ENTREP2: variants seen among roughly 807,000 people sequenced by gnomAD.
ENTREP2 encodes endosomal transmembrane epsin interactor 2, also known as protein ENTREP2.
the ENTREP2 span, among the ~76,000 whole-genome samples, chr15:29,409,714 C>T: frequency 2.6e-5 from 4 of 151,886 alleles, no homozygotes; most frequent in Non-Finnish European, 5.9e-5. Context: ...CCTCCTGCCA[C>T]AACCTCCGAG....
At chr15:29,612,595 C>T in the ENTREP2 span, 1 of 153,890 alleles carries the variant, frequency 6.5e-6, no homozygotes, top group African/African-American at 2.4e-5. Context: ...CACATCCAGA[C>T]AGGACACTGT....
the ENTREP2 span, among the ~76,000 whole-genome samples, chr15:29,573,559 C>T: frequency 6.6e-6 from 1 of 152,098 alleles, no homozygotes; most frequent in African/African-American, 2.4e-5. Flanking sequence ...AACGGAACTT[C>T]CTTATCATGT....
At chr15:29,123,770 G>A in the ENTREP2 span, 4 of 1,093,296 alleles carry the variant, frequency 3.7e-6, no homozygotes, top group South Asian at 5.0e-5. Flanking sequence ...GTGTTCCTGG[G>A]GCTGGCGCTC....
the ENTREP2 span, among the ~76,000 whole-genome samples, chr15:29,579,286 T>G: frequency 3.3e-5 from 5 of 152,306 alleles, no homozygotes; most frequent in East Asian, 9.6e-4. Context: ...TAGGATGCAC[T>G]CATTTTTGGT....
the ENTREP2 span, among the ~76,000 whole-genome samples, chr15:29,559,093 C>T: frequency 0.35 from 53,882 of 151,870 alleles, 9,652 homozygotes; most frequent in East Asian, 0.49. Flanking sequence ...GAGGACAAGA[C>T]GTAGTACCCA....
chr15:29,173,040 C>G, the ENTREP2 span, among the ~76,000 whole-genome samples: 8,877 of 152,270 alleles, frequency 0.058, 893 homozygotes, highest in African/African-American at 0.2. Flanking sequence ...GAGGCTGTCT[C>G]CCATTTTCTC....
the ENTREP2 span, among the ~76,000 whole-genome samples, chr15:29,669,379 C>T: frequency 6.6e-6 from 1 of 152,140 alleles, no homozygotes; most frequent in Non-Finnish European, 1.5e-5. Flanking sequence ...CATGGGCCAG[C>T]ATGTTCAGCC....
chr15:29,418,597 T>G, the ENTREP2 span, among the ~76,000 whole-genome samples: 1 of 152,184 alleles, frequency 6.6e-6, no homozygotes, highest in African/African-American at 2.4e-5. Context: ...GGTCTTTCGC[T>G]TCCAGGTCGG....
At chr15:29,137,025 G>C in the ENTREP2 span, 2 of 1,427,016 alleles carry the variant, frequency 1.4e-6, no homozygotes, top group Non-Finnish European at 9.1e-7. Flanking sequence ...GCAGCCGCGG[G>C]AGACCAACCT....
chr15:29,187,363 C>T, the ENTREP2 span, among the ~76,000 whole-genome samples: 1 of 152,150 alleles, frequency 6.6e-6, no homozygotes, highest in Non-Finnish European at 1.5e-5. Context: ...TCAGCCTCCT[C>T]CTCCAGAGTT....
the ENTREP2 span, among the ~76,000 whole-genome samples, chr15:29,161,337 G>T: frequency 6.6e-6 from 1 of 152,194 alleles, no homozygotes; most frequent in Non-Finnish European, 1.5e-5. Context: ...ACATGTGCAG[G>T]CATCCGTGGT....
At chr15:29,545,028 T>C in the ENTREP2 span, among the ~76,000 whole-genome samples, 1 of 152,222 alleles carries the variant, frequency 6.6e-6, no homozygotes, top group Non-Finnish European at 1.5e-5. Context: ...TGCACACTAC[T>C]GTGTGGACAG....
At chr15:29,312,173 T>C in the ENTREP2 span, among the ~76,000 whole-genome samples, 2 of 152,192 alleles carry the variant, frequency 1.3e-5, no homozygotes, top group African/African-American at 4.8e-5. Context: ...CACTCACTCT[T>C]TAACACTGGG....
the ENTREP2 span, among the ~76,000 whole-genome samples, chr15:29,550,162 T>G: frequency 4.6e-5 from 7 of 152,320 alleles, no homozygotes; most frequent in East Asian, 1.2e-3. Context: ...GTATAGTGAC[T>G]TCCATCTAAA....
chr15:29,356,285 TATATATA>T, the ENTREP2 span, among the ~76,000 whole-genome samples: 109 of 56,920 alleles, frequency 1.9e-3, 2 homozygotes, highest in African/African-American at 8.1e-3. Context: ...TATATATATA[TATATATA>T]TATATTTTTT....
At chr15:29,434,411 T>C in the ENTREP2 span, among the ~76,000 whole-genome samples, 5 of 152,322 alleles carry the variant, frequency 3.3e-5, no homozygotes, top group African/African-American at 1.2e-4. Flanking sequence ...TACTGGATGT[T>C]TGGGTGATTA....
the ENTREP2 span, among the ~76,000 whole-genome samples, chr15:29,544,609 C>A: frequency 1.3e-5 from 2 of 152,030 alleles, no homozygotes; most frequent in African/African-American, 2.4e-5. Flanking sequence ...AAAAGCTGCT[C>A]CAAAGGTGGC....
the ENTREP2 span, chr15:29,452,695 A>G: frequency 6.6e-6 from 1 of 151,932 alleles, no homozygotes; most frequent in African/African-American, 2.4e-5. Flanking sequence ...GCCCAAATCC[A>G]CGTCTTTTCT....
At chr15:29,370,568 G>A in the ENTREP2 span, among the ~76,000 whole-genome samples, 2 of 151,992 alleles carry the variant, frequency 1.3e-5, no homozygotes, top group East Asian at 1.9e-4. Context: ...CCGGAAGACT[G>A]CAACCGAGAT....
Sources: gnomAD v4.1 joint callset for allele counts (sites outside exome capture counted in the v4.1 genomes callset) on GRCh38, gnomAD v4.1.1 for gene constraint, MANE v1.5 for transcripts, NCBI Gene and HGNC (gene_info 2026-07-23, HGNC 2026-07-21) for gene names.